The following ITPR1 variants were observed in gnomAD, a reference collection of about 807,000 sequenced individuals.
ITPR1 encodes inositol 1,4,5-trisphosphate-gated calcium channel ITPR1.
A neutral mutation model predicts 318.4 loss-of-function variants in ITPR1; 96 were observed. The ratio of observed to expected loss-of-function variants is 0.30; its 90% CI spans 0.26 to 0.36. ITPR1 has a LOEUF of 0.36. ITPR1 is among the 10% of genes least tolerant of loss of function. The pLI, the probability that ITPR1 is intolerant of heterozygous loss-of-function variation, is 1.00. For missense variants in ITPR1, 2,440 were observed against 3,460.2 expected (o/e 0.71, Z 7.40); for synonymous variants, 1,312 against 1,289.9 (o/e 1.02, Z -0.37).
intron 4 of ITPR1, among the ~76,000 whole-genome samples, chr3:4,540,954 A>G (rs1270110655): frequency 7.1e-6 from 1 of 140,184 alleles, no homozygotes; most frequent in African/African-American, 3.1e-5. Context: ...GATATACTTT[A>G]TATGTGTTTT....
intron 60 of ITPR1, among the ~76,000 whole-genome samples, chr3:4,834,157 CA>C (rs2050718284): frequency 6.6e-6 from 1 of 152,098 alleles, no homozygotes; most frequent in South Asian, 2.1e-4. Context: ...CCTCCCAAAG[CA>C]CTGGGATTAC....
chr3:4,551,094 G>A (rs1242273903), intron 4 of ITPR1, among the ~76,000 whole-genome samples: 3 of 152,164 alleles, frequency 2.0e-5, no homozygotes, highest in Non-Finnish European at 2.9e-5. Flanking sequence ...TGAGGGGACA[G>A]CAACTTGGAA....
intron 32 of ITPR1, among the ~76,000 whole-genome samples, chr3:4,692,121 AAC>A (rs2094489120): frequency 1.4e-5 from 2 of 147,550 alleles, no homozygotes; most frequent in Admixed American, 6.9e-5. Flanking sequence ...CAGCCTGGGC[AAC>A]AGAGTGAGAC....
At chr3:4,507,390 G>C (rs1390533956) in intron 2 of ITPR1, among the ~76,000 whole-genome samples, 1 of 152,328 alleles carries the variant, frequency 6.6e-6, no homozygotes, top group Non-Finnish European at 1.5e-5. Context: ...ACATTAGAGA[G>C]AGGGAGAAAT....
intron 60 of ITPR1, among the ~76,000 whole-genome samples, chr3:4,835,716 T>C (rs1011159631): frequency 3.3e-5 from 5 of 152,234 alleles, no homozygotes; most frequent in Non-Finnish European, 5.9e-5. Context: ...CTTTTCTTAC[T>C]GTTCATTCCT....
Position 4,521,076 on chromosome 3 carries a change from C to G in ITPR1, c.145C>G (p.Pro49Ala). 3 of 1,613,330 alleles carry G rather than the reference C, an allele frequency of 1.9e-6. No individual in the cohort carries two copies. Among genetic ancestry groups the G allele is most frequent in the Non-Finnish European group, 1.7e-6 (2 of 1,179,336 alleles). Residue 49 changes from proline (P) to alanine (A), a missense_variant, in exon 4 of 62, where the codon CCA becomes GCA. Pro to Ala is a conservative substitution (Grantham distance 27, BLOSUM62 -1). Transcript: ENST00000649015. ...VQPETGDLNN[P>A]PKKFRDCLFK... ...GCCAGAAACCGGGGACCTTAACAAT[C>G]CACCTAAGAAATTCAGAGGTAAGGT...
intron 1 of ITPR1, among the ~76,000 whole-genome samples, chr3:4,494,113 T>G: frequency 6.6e-6 from 1 of 152,234 alleles, no homozygotes; most frequent in East Asian, 1.9e-4. Flanking sequence ...GATGCGGGCT[T>G]CGGATACTTG....
chr3:4,538,797 G>T (rs1309207584), intron 4 of ITPR1, among the ~76,000 whole-genome samples: 1 of 152,184 alleles, frequency 6.6e-6, no homozygotes. Context: ...AACATTGCAT[G>T]TTCTCACTTA....
In ITPR1 at chr3:4,702,963, G is replaced by A. The variant is rs752289456; in HGVS notation, c.4657+13G>A. 3.7e-6 allele frequency: 6 copies of A among 1,612,996 alleles called. No homozygotes were observed. The Admixed American group carries it at 8.3e-5, about 22-fold the overall frequency. On this transcript the variant is annotated intron_variant, in intron 36 of 61. Transcript: ENST00000649015. Reference sequence around the variant, plus strand: ...CTGTCTGATGTAGGTAAGATACCAAGTCAGTTTGGATATACGTGATGAAAA... The same window carrying A: ...CTGTCTGATGTAGGTAAGATACCAAATCAGTTTGGATATACGTGATGAAAA...
At chr3:4,833,361 C>T (rs890454398) in intron 60 of ITPR1, among the ~76,000 whole-genome samples, 2 of 152,134 alleles carry the variant, frequency 1.3e-5, no homozygotes, top group East Asian at 1.9e-4. Context: ...TGGAGTCTTT[C>T]GAAGGCCTCA....
At chr3:4,801,231 A>G (rs2048210189) in intron 54 of ITPR1, among the ~76,000 whole-genome samples, 1 of 152,220 alleles carries the variant, frequency 6.6e-6, no homozygotes, top group Non-Finnish European at 1.5e-5. Context: ...AAATTTGGAC[A>G]TGTGAGGCAC....
intron 52 of ITPR1, among the ~76,000 whole-genome samples, chr3:4,793,602 C>T (rs2047708896): frequency 6.6e-6 from 1 of 152,218 alleles, no homozygotes; most frequent in Non-Finnish European, 1.5e-5. Context: ...CAGCAATCAA[C>T]TTACCAAAGA....
intron 4 of ITPR1, among the ~76,000 whole-genome samples, chr3:4,593,221 G>A (rs1460035980): frequency 2.6e-5 from 4 of 152,212 alleles, no homozygotes; most frequent in African/African-American, 9.6e-5. Flanking sequence ...AATACCTGTT[G>A]TTGGTACTTT....
At chr3:4,831,153 A>ACACACACACACACACT (rs1276100147) in intron 60 of ITPR1, 5 of 381,590 alleles carry the variant, frequency 1.3e-5, no homozygotes, top group South Asian at 5.8e-5. Flanking sequence ...ACACACACAC[A>ACACACACACACACACT]CTCACTCCCT....
At chr3:4,494,825 A>G (rs1284438480) in intron 2 of ITPR1, among the ~76,000 whole-genome samples, 1 of 152,234 alleles carries the variant, frequency 6.6e-6, no homozygotes, top group Non-Finnish European at 1.5e-5. Flanking sequence ...TAAATTCTGA[A>G]GGATACAGTG....
intron 60 of ITPR1, among the ~76,000 whole-genome samples, chr3:4,820,192 G>T (rs778013965): frequency 1.4e-5 from 2 of 147,512 alleles, no homozygotes; most frequent in African/African-American, 5.4e-5. Context: ...AACCCTACTC[G>T]ATCAGCATTT....
chr3:4,554,226 C>A (rs534521628), intron 4 of ITPR1, among the ~76,000 whole-genome samples: 1 of 152,298 alleles, frequency 6.6e-6, no homozygotes, highest in South Asian at 2.1e-4. Flanking sequence ...GTGATGAATT[C>A]TGTTCTCTTT....
At chr3:4,735,993 C>A (rs1383820909) in intron 44 of ITPR1, among the ~76,000 whole-genome samples, 1 of 152,142 alleles carries the variant, frequency 6.6e-6, no homozygotes, top group Non-Finnish European at 1.5e-5. Context: ...CCTTAAAAAA[C>A]AATTTTCATG....
chr3:4,729,701 T>C (rs971020495), intron 42 of ITPR1, among the ~76,000 whole-genome samples: 1 of 152,242 alleles, frequency 6.6e-6, no homozygotes, highest in Non-Finnish European at 1.5e-5. Context: ...TTACTCCACA[T>C]CACTAATCTA....
Sources: allele counts gnomAD v4.1 joint callset (sites outside exome capture counted in the v4.1 genomes callset), GRCh38; gene constraint gnomAD v4.1.1; transcripts MANE v1.5; gene names NCBI Gene and HGNC (gene_info 2026-07-23, HGNC 2026-07-21).